The following VWA2 variants were observed in gnomAD, a reference collection of about 807,000 sequenced individuals.
VWA2 encodes von Willebrand factor A domain-containing protein 2.
In VWA2, 73 loss-of-function variants were observed where a neutral mutation model predicts 70.4. The observed-to-expected ratio is 1.04, with a 90% CI of 0.86 to 1.26. The LOEUF is 1.26. Among genes scored for constraint, VWA2 ranks in the 50% most tolerant of loss-of-function variants. The pLI is 0.00. For synonymous variants in VWA2, 407 were observed against 423.3 expected, an observed-to-expected ratio of 0.96 and a Z score of 0.47; for missense variants, 1,011 against 998.5, an observed-to-expected ratio of 1.01 and a Z score of -0.17.
intron 1 of VWA2, among the ~76,000 whole-genome samples, chr10:114,243,942 A>C (rs972878986): frequency 2.0e-5 from 3 of 152,206 alleles, no homozygotes. Flanking sequence ...GAGAGCATCT[A>C]CATCCATGGA....
intron 6 of VWA2, among the ~76,000 whole-genome samples, chr10:114,275,586 GT>G (rs1448060120): frequency 1.3e-5 from 2 of 151,774 alleles, no homozygotes; most frequent in African/African-American, 4.8e-5. Flanking sequence ...TGTTTTTTTG[GT>G]TTTTTTTCCC....
chr10:114,240,488 T>A (rs2036956437), intron 1 of VWA2, among the ~76,000 whole-genome samples: 1 of 152,234 alleles, frequency 6.6e-6, no homozygotes, highest in Non-Finnish European at 1.5e-5. Flanking sequence ...GTGTTTGATG[T>A]CTTGGAGATT....
intron 5 of VWA2, among the ~76,000 whole-genome samples, chr10:114,266,702 C>T (rs553244075): frequency 1.5e-4 from 23 of 152,260 alleles, no homozygotes; most frequent in Admixed American, 1.2e-3. Context: ...GCTGGCTGCC[C>T]GGGCTTGCTC....
chr10:114,291,080 C>G (rs1157283616), intron 13 of VWA2, 138 bp from the exon 14 acceptor site: 2 of 1,003,966 alleles, frequency 2.0e-6, no homozygotes, highest in East Asian at 2.6e-5. Context: ...CACATGGGGT[C>G]TCTAATCTGG....
intron 6 of VWA2, among the ~76,000 whole-genome samples, chr10:114,276,876 AT>A (rs527529231): frequency 6.6e-6 from 1 of 152,028 alleles, no homozygotes; most frequent in African/African-American, 2.4e-5. Context: ...CAGCATCTGA[AT>A]TACCTGGCAG....
chr10:114,248,692 G>A lies in VWA2; in HGVS notation c.-10-12G>A. 1.2e-6 allele frequency: 2 copies of A among 1,610,658 alleles called. No individual in the cohort carries two copies. The highest frequency in any genetic ancestry group is 4.5e-5 in the East Asian group (2 of 44,864). On this transcript the variant is annotated splice_polypyrimidine_tract_variant and intron_variant, in intron 1 of 13. Transcript: ENST00000392982. The stretch of plus-strand genomic sequence containing the variant: ...TTGCTGATACTTTCTTTCTTTTCCT[G>A]TGTCCCTGTAGTTATATCAACATGC...
chr10:114,282,373 G>A, intron 8 of VWA2, 143 bp from the exon 9 acceptor site: 1 of 676,458 alleles, frequency 1.5e-6, no homozygotes, highest in East Asian at 2.8e-5. Flanking sequence ...AGTTAGGGTA[G>A]AATCAAGAAA....
rs1187516872 is a variant in VWA2 at position 114,291,732 on chromosome 10, C to T, written c.*495C>T. Among the ~76,000 whole-genome samples the T allele has an allele frequency of 6.6e-6, 1 of 152,216 alleles. No homozygotes were observed. Among genetic ancestry groups the T allele is most frequent in the Admixed American group, 6.5e-5 (1 of 15,278 alleles). ...TTCAAGATGGAAAGCAGCAGCTTTTCCACTTCCCCAGAGACATTCTGGATG... is the reference window on the plus strand; with the variant it reads ...TTCAAGATGGAAAGCAGCAGCTTTTTCACTTCCCCAGAGACATTCTGGATG... On this transcript the variant is annotated 3_prime_UTR_variant, in exon 14 of 14. Coordinates refer to ENST00000392982, the MANE Select transcript of VWA2 (RefSeq NM_001272046.2).
intron 4 of VWA2, among the ~76,000 whole-genome samples, chr10:114,255,385 G>C (rs970649249): frequency 2.6e-5 from 4 of 152,300 alleles, no homozygotes; most frequent in Non-Finnish European, 2.9e-5. Flanking sequence ...TCTGGCCAAA[G>C]TCCCAGGAGG....
At chr10:114,277,763 C>T (rs2037880755) in intron 6 of VWA2, 151 bp from the exon 7 acceptor site, 2 of 981,252 alleles carry the variant, frequency 2.0e-6, no homozygotes, top group Admixed American at 7.0e-5. Context: ...CATTTCCATT[C>T]CGGTTAACTG....
intron 10 of VWA2, 131 bp from the exon 11 acceptor site, chr10:114,285,808 C>A: frequency 1.0e-6 from 1 of 988,100 alleles, no homozygotes. Flanking sequence ...GAGCACGGGT[C>A]ACTTAAGCTT....
chr10:114,267,910 T>C (rs1468431923), intron 5 of VWA2, among the ~76,000 whole-genome samples: 1 of 152,120 alleles, frequency 6.6e-6, no homozygotes, highest in Non-Finnish European at 1.5e-5. Context: ...AAAATCTACA[T>C]CATTAAGTCT....
intron 11 of VWA2, among the ~76,000 whole-genome samples, chr10:114,286,913 C>T (rs1420612454): frequency 1.3e-5 from 2 of 152,212 alleles, no homozygotes; most frequent in African/African-American, 4.8e-5. Flanking sequence ...AAGTGTGTTC[C>T]TGGTGCACAC....
intron 9 of VWA2, among the ~76,000 whole-genome samples, chr10:114,283,654 T>C (rs1444121897): frequency 6.6e-6 from 1 of 152,268 alleles, no homozygotes; most frequent in Non-Finnish European, 1.5e-5. Context: ...CTTCCTCATC[T>C]GTCATATAGG....
At chr10:114,268,564 T>G (rs913983027) in intron 5 of VWA2, among the ~76,000 whole-genome samples, 1 of 152,292 alleles carries the variant, frequency 6.6e-6, no homozygotes, top group South Asian at 2.1e-4. Flanking sequence ...CCAGGAAATA[T>G]TAGCAGTTAC....
Position 114,279,768 on chromosome 10 carries a change from C to T in VWA2, c.833+917C>T, listed in dbSNP as rs144254738. 6.3e-3 allele frequency among the ~76,000 whole-genome samples: 965 copies of T among 152,256 alleles called. 3 individuals are homozygous for T. Among genetic ancestry groups the T allele is most frequent in the Middle Eastern group, 0.01 (3 of 294 alleles). On this transcript the variant is annotated intron_variant, in intron 8 of 13. Transcript: ENST00000392982. Reference sequence around the variant, plus strand: ...GGCAATGTGCAATAAGAAGACAGTACAGTTGCTGCCCCCAAGGAATCATGG... The same window carrying T: ...GGCAATGTGCAATAAGAAGACAGTATAGTTGCTGCCCCCAAGGAATCATGG...
At chr10:114,267,289 G>A (rs2037591749) in intron 5 of VWA2, among the ~76,000 whole-genome samples, 1 of 145,812 alleles carries the variant, frequency 6.9e-6, no homozygotes, top group Non-Finnish European at 1.5e-5. Flanking sequence ...GCTAATTTTT[G>A]TATTTTTAGT....
At chr10:114,241,208 C>T (rs575199143) in intron 1 of VWA2, among the ~76,000 whole-genome samples, 13 of 152,244 alleles carry the variant, frequency 8.5e-5, no homozygotes, top group East Asian at 7.7e-4. Flanking sequence ...ACTGATGAAC[C>T]GACACTGGCA....
intron 2 of VWA2, among the ~76,000 whole-genome samples, chr10:114,250,301 T>A (rs2133292733): frequency 1.3e-5 from 2 of 152,358 alleles, no homozygotes; most frequent in South Asian, 4.1e-4. Flanking sequence ...CAGAAATAGA[T>A]TAATGAATAA....
Sources: gnomAD v4.1 joint callset for allele counts (sites outside exome capture counted in the v4.1 genomes callset) on GRCh38, gnomAD v4.1.1 for gene constraint, MANE v1.5 for transcripts, NCBI Gene and HGNC (gene_info 2026-07-23, HGNC 2026-07-21) for gene names.